The following TRIM38 variants were observed in gnomAD, a reference collection of about 807,000 sequenced individuals.
TRIM38 encodes the protein E3 ubiquitin-protein ligase TRIM38.
Under a neutral mutation model 35.8 loss-of-function variants are expected in TRIM38, and 35 were observed. The observed-to-expected ratio is 0.98, with a 90% confidence interval of 0.75 to 1.30. The LOEUF (loss-of-function observed/expected upper bound fraction) is 1.30. Among genes scored for constraint, TRIM38 ranks in the 50% most tolerant of loss-of-function variants. The pLI, the probability that TRIM38 is intolerant of heterozygous loss-of-function variation, is 0.00. For missense variants in TRIM38, 545 were observed against 556.9 expected, an observed-to-expected ratio of 0.98 and a Z score of 0.21; for synonymous variants, 198 against 204.7, an observed-to-expected ratio of 0.97 and a Z score of 0.28.
Position 25,991,165 on chromosome 6 carries a change from C to T in TRIM38, c.*7478C>T, listed in dbSNP as rs1760818771. The T allele has an allele frequency of 6.6e-6, 1 of 152,186 alleles. No individual in the cohort carries two copies. The highest frequency in any genetic ancestry group is 2.4e-5 in the African/African-American group (1 of 41,450). The allele number at this position is 152,186 out of a possible 1,614,324, so 9.4% of individuals were successfully genotyped here. ...GACTATTTTTTACATCTTGATGTCACTCCTGAGCACTTGCTTTAATGTGTT... is the reference window on the plus strand; with the variant it reads ...GACTATTTTTTACATCTTGATGTCATTCCTGAGCACTTGCTTTAATGTGTT... On this transcript the variant is annotated 3_prime_UTR_variant, in exon 8 of 8. Transcript: ENST00000357085.
intron 7 of TRIM38, chr6:25,974,853 C>T: frequency 1.0e-6 from 1 of 980,716 alleles, no homozygotes; most frequent in Non-Finnish European, 1.2e-6. Flanking sequence ...AAATACACAA[C>T]AACAAACAAC....
intron 3 of TRIM38, 40 bp from the exon 4 acceptor site, chr6:25,969,285 T>A (rs1760154349): frequency 6.6e-7 from 1 of 1,504,174 alleles, no homozygotes; most frequent in African/African-American, 1.4e-5. Flanking sequence ...TAATGAAGAG[T>A]CAAATTGAAT....
rs368607872 is a variant in TRIM38 at position 25,973,116 on chromosome 6, A to G, written c.761+40A>G. 2.5e-6 allele frequency: 4 copies of G among 1,614,022 alleles called. No individual in the cohort carries two copies. In the African/African-American group the frequency reaches 5.3e-5, roughly 22 times the overall value. On this transcript the variant is annotated intron_variant, in intron 6 of 7. Coordinates refer to ENST00000357085, the MANE Select transcript of TRIM38 (RefSeq NM_006355.5). Reference sequence around the variant, plus strand: ...AATGCAGGAGGGGAGGGGTGTGCGTATATAGAAATGAATGGAATGCACCTC... The same window carrying G: ...AATGCAGGAGGGGAGGGGTGTGCGTGTATAGAAATGAATGGAATGCACCTC...
intron 2 of TRIM38, among the ~76,000 whole-genome samples, chr6:25,965,162 C>T (rs536273533): frequency 6.6e-6 from 1 of 152,146 alleles, no homozygotes; most frequent in Non-Finnish European, 1.5e-5. Flanking sequence ...GTTTCACACT[C>T]CCTGAGTTCT....
At position 25,984,023 on chromosome 6, in the gene TRIM38, AGTTT is replaced by A. The variant is rs1239031566; in HGVS notation, c.*342_*345del. On this transcript the variant is annotated 3_prime_UTR_variant, in exon 8 of 8. Transcript: ENST00000357085. Reference sequence around the variant, plus strand: ...CAAGTCAGAAGGTCTGCGTTCTCCTAGTTTGTTTGCTGCCATTTGAACTCATGTA... The same window carrying A: ...CAAGTCAGAAGGTCTGCGTTCTCCTAGTTTGCTGCCATTTGAACTCATGTA... The A allele has an allele frequency of 5.0e-6, 1 of 198,234 alleles. No individual in the cohort carries two copies. Among genetic ancestry groups the A allele is most frequent in the Non-Finnish European group, 1.0e-5 (1 of 98,290 alleles). 12.3% of individuals were successfully genotyped at this position (198,234 alleles called of 1,614,324 possible). A position where few individuals can be genotyped will look rare whatever the true frequency, so the allele number is the denominator to read the frequency against.
rs188931599 is a variant in TRIM38 at position 25,975,039 on chromosome 6, T to C, written c.874+1754T>C. 5.6e-4 allele frequency: 533 copies of C among 959,998 alleles called. 1 individual carries two copies. In the African/African-American group the frequency reaches 6.6e-3, roughly 12 times the overall value. 59.5% of individuals were successfully genotyped at this position (959,998 alleles called of 1,614,324 possible). A position where few individuals can be genotyped will look rare whatever the true frequency, so the allele number is the denominator to read the frequency against. On this transcript the variant is annotated intron_variant, in intron 7 of 7. Coordinates refer to ENST00000357085, the MANE Select transcript of TRIM38 (RefSeq NM_006355.5). ...TATTTCTTTCTTTCTTTCTTTCTTT[T>C]TTTTTTTTTTTGAGACAGAGTCTCG...
At position 25,973,045 on chromosome 6, in the gene TRIM38, T is replaced by A. The variant is rs767170115; in HGVS notation, c.739-9T>A. 1 of 1,614,192 alleles carries A rather than the reference T, an allele frequency of 6.2e-7. No homozygotes were observed. Among genetic ancestry groups the A allele is most frequent in the Non-Finnish European group, 8.5e-7 (1 of 1,180,024 alleles). On this transcript the variant is annotated splice_polypyrimidine_tract_variant and intron_variant, in intron 5 of 7. Coordinates refer to ENST00000357085, the MANE Select transcript of TRIM38 (RefSeq NM_006355.5). ...CCCATGCTCACCTTTTCTTTTTGTT[T>A]CTTTATAGAATGTGAATGACACTTT...
At chr6:25,970,481 C>G (rs1001850796) in intron 4 of TRIM38, among the ~76,000 whole-genome samples, 1 of 152,162 alleles carries the variant, frequency 6.6e-6, no homozygotes, top group Non-Finnish European at 1.5e-5. Flanking sequence ...CCAATTTTCT[C>G]TCTTTCAGGA....
chr6:25,975,068 T>C (rs1293506989), intron 7 of TRIM38: 1 of 946,762 alleles, frequency 1.1e-6, no homozygotes, highest in Non-Finnish European at 1.3e-6. Flanking sequence ...AGTCTCGCTC[T>C]GTCGCCCAGG....
intron 3 of TRIM38, among the ~76,000 whole-genome samples, chr6:25,968,137 C>T (rs1341629763): frequency 1.3e-5 from 2 of 152,170 alleles, no homozygotes; most frequent in Non-Finnish European, 2.9e-5. Flanking sequence ...CAGTGTCAGG[C>T]TCCTTATTCT....
At chr6:25,971,426 G>A (rs1760225172) in intron 4 of TRIM38, among the ~76,000 whole-genome samples, 1 of 152,144 alleles carries the variant, frequency 6.6e-6, no homozygotes, top group African/African-American at 2.4e-5. Flanking sequence ...GTGTGTGTGT[G>A]TGTGTTTGTG....
In TRIM38 at chr6:25,966,863, G is replaced by A. The variant is rs766510524; in HGVS notation, c.341G>A (p.Arg114His). Residue 114 changes from arginine to histidine, a missense_variant, in exon 3 of 8, where the codon CGC becomes CAC. Arg to His is a conservative substitution (Grantham distance 29). Coordinates refer to ENST00000357085, the MANE Select transcript of TRIM38 (RefSeq NM_006355.5). ...CEDEGQLICW[R>H]CERAPQHKGH... ...GACGAGGGGCAGCTCATCTGCTGGC[G>A]CTGTGAGCGGGCACCACAGCACAAA... The A allele has an allele frequency of 1.4e-5, 22 of 1,614,042 alleles. No individual in the cohort carries two copies. Among genetic ancestry groups the A allele is most frequent in the African/African-American group, 4.0e-5 (3 of 74,928 alleles).
In TRIM38 at chr6:25,990,565, A is replaced by G. The variant is rs1362316026; in HGVS notation, c.*6878A>G. On this transcript the variant is annotated 3_prime_UTR_variant, in exon 8 of 8. Coordinates refer to ENST00000357085, the MANE Select transcript of TRIM38 (RefSeq NM_006355.5). ...GCAATCCTCCCACCTTAGCCTCCCA[A>G]AGTGTTGGGATTACAGGCTTGAGCC... is the stretch of plus-strand genomic sequence containing the variant. The G allele has an allele frequency of 6.6e-6, 1 of 152,092 alleles. No individual in the cohort carries two copies. Among genetic ancestry groups the G allele is most frequent in the Non-Finnish European group, 1.5e-5 (1 of 68,016 alleles). The allele number at this position is 152,092 out of a possible 1,614,324, so 9.4% of individuals were successfully genotyped here. A position where few individuals can be genotyped will look rare whatever the true frequency, so the allele number is the denominator to read the frequency against.
At chr6:25,975,772 C>A in intron 7 of TRIM38, 2 of 825,894 alleles carry the variant, frequency 2.4e-6, no homozygotes, top group Non-Finnish European at 2.9e-6. Context: ...TCTAATATTC[C>A]ATAAGAATAT....
At position 25,983,496 on chromosome 6, in the gene TRIM38, C is replaced by A. The variant is rs753172554; in HGVS notation, c.1207C>A (p.Leu403Ile). 4 of 1,613,988 alleles carry A rather than the reference C, an allele frequency of 2.5e-6. No individual in the cohort carries two copies. In the Admixed American group the frequency reaches 6.7e-5, roughly 27 times the overall value. The change falls in exon 8 of 8, where the codon CTT (leucine) becomes ATT (isoleucine). Residue 403 changes from leucine to isoleucine, a missense_variant. Transcript: ENST00000357085. ...AGCACTTACTTCTCCCCCAACTTCCCTTCATCTGCATGAGCAGCCCCTGCT... is the reference window on the plus strand; with the variant it reads ...AGCACTTACTTCTCCCCCAACTTCCATTCATCTGCATGAGCAGCCCCTGCT... ...YVALTSPPTS[L>I]HLHEQPLLVG...
At chr6:25,964,669 G>A (rs964162787) in intron 2 of TRIM38, among the ~76,000 whole-genome samples, 1 of 151,908 alleles carries the variant, frequency 6.6e-6, no homozygotes, top group African/African-American at 2.4e-5. Context: ...GATCTCTAAG[G>A]GCCTTTAATT....
At chr6:25,967,779 C>T (rs1437474636) in intron 3 of TRIM38, among the ~76,000 whole-genome samples, 1 of 152,038 alleles carries the variant, frequency 6.6e-6, no homozygotes, top group Non-Finnish European at 1.5e-5. Context: ...TCCCTCCCAT[C>T]TCAGCCTCCC....
chr6:25,963,028 T>G (rs753111105), intron 1 of TRIM38, 21 bp from the exon 2 acceptor site: 1 of 152,412 alleles, frequency 6.6e-6, no homozygotes, highest in Non-Finnish European at 1.5e-5. Context: ...CTCACCTCTT[T>G]CCTGCTCTTT....
At chr6:25,981,703 G>A (rs370029649) in intron 7 of TRIM38, among the ~76,000 whole-genome samples, 1 of 152,216 alleles carries the variant, frequency 6.6e-6, no homozygotes, top group East Asian at 1.9e-4. Flanking sequence ...CATGGGACTA[G>A]GCATGTGTCA....
Sources: allele counts gnomAD v4.1 joint callset (sites outside exome capture counted in the v4.1 genomes callset), GRCh38; gene constraint gnomAD v4.1.1; transcripts MANE v1.5; gene names NCBI Gene and HGNC (gene_info 2026-07-23, HGNC 2026-07-21).